The following ZNF394 variants were observed in gnomAD, a reference collection of about 807,000 sequenced individuals.
ZNF394 encodes zinc finger protein 394, also known as zinc finger protein 99.
A neutral mutation model predicts 21.8 loss-of-function variants in ZNF394; 19 were observed. The observed-to-expected ratio is 0.87, with a 90% CI of 0.61 to 1.28. The LOEUF is 1.28. Ranked by LOEUF, ZNF394 falls within the 50% of genes most tolerant of loss-of-function variation. ZNF394 has a pLI of 0.00. For missense variants in ZNF394, 683 were observed against 708.6 expected (o/e 0.96, Z 0.41); for synonymous variants, 294 against 273.3 (o/e 1.08, Z -0.75).
At chr7:99,496,982 C>G (rs1373708524) in intron 2 of ZNF394, among the ~76,000 whole-genome samples, 1 of 150,918 alleles carries the variant, frequency 6.6e-6, no homozygotes, top group Admixed American at 6.6e-5. Flanking sequence ...CAGTTGTTCC[C>G]TCTTCTCTGT....
chr7:99,495,958 G>A (rs2151082592), intron 2 of ZNF394, among the ~76,000 whole-genome samples: 1 of 151,752 alleles, frequency 6.6e-6, no homozygotes, highest in Non-Finnish European at 1.5e-5. Flanking sequence ...GTCTCACTCT[G>A]TCACCCAGGT....
In ZNF394 at chr7:99,499,843, C is replaced by G; in HGVS notation, c.251G>C (p.Arg84Pro). ...CCACCGACGACAGAGTTCTCGGAGC[C>G]GGCTCAGCGCCTCTTCCGGTCCAGC... ...EVAGPEEALS[R>P]LRELCRRWLR... Residue 84 changes from arginine (R) to proline (P), a missense_variant, in exon 1 of 3, where the codon CGG becomes CCG. This residue lies in a region of ZNF394 where 402 missense variants were observed against 373.8 expected (regional missense o/e 1.08). Transcript: ENST00000337673. 6.2e-7 allele frequency: 1 copy of G among 1,614,172 alleles called. No individual in the cohort carries two copies. The highest frequency in any genetic ancestry group is 8.5e-7 in the Non-Finnish European group (1 of 1,180,036).
At chr7:99,497,560 TATTA>T (rs1378390009) in intron 2 of ZNF394, among the ~76,000 whole-genome samples, 1 of 152,056 alleles carries the variant, frequency 6.6e-6, no homozygotes, top group Non-Finnish European at 1.5e-5. Flanking sequence ...TAACAGTAAC[TATTA>T]ATTATAACAA....
In ZNF394 at chr7:99,498,933, A is replaced by G. The variant is rs751727553; in HGVS notation, c.457-91T>C. 21 of 1,455,156 alleles carry G rather than the reference A, an allele frequency of 1.4e-5. No homozygotes were observed. In the Admixed American group the frequency reaches 1.9e-4, roughly 13 times the overall value. 90.1% of individuals were successfully genotyped at this position (1,455,156 alleles called of 1,614,324 possible). A position where few individuals can be genotyped will look rare whatever the true frequency, so the allele number is the denominator to read the frequency against. On this transcript the variant is annotated intron_variant, in intron 1 of 2. Transcript: ENST00000337673. ...GTCTTGTACCGACAAGGGAGTTTGG[A>G]GAGATCAGAGATAGAGGCTGACATT...
chr7:99,498,626 C>G (rs1180938236), intron 2 of ZNF394, 90 bp downstream of exon 2: 2 of 1,571,896 alleles, frequency 1.3e-6, no homozygotes, highest in East Asian at 2.3e-5. Flanking sequence ...CAGCCCAAGT[C>G]TGGGAATGGC....
At chr7:99,497,481 A>G (rs1192972250) in intron 2 of ZNF394, among the ~76,000 whole-genome samples, 3 of 149,824 alleles carry the variant, frequency 2.0e-5, no homozygotes, top group African/African-American at 7.5e-5. Context: ...TGCCTGGCCT[A>G]TAATGTTTTT....
At chr7:99,497,331 C>G (rs1032745082) in intron 2 of ZNF394, among the ~76,000 whole-genome samples, 3 of 150,182 alleles carry the variant, frequency 2.0e-5, no homozygotes, top group African/African-American at 7.4e-5. Context: ...CCTGCCACCA[C>G]GCCTGGCTAA....
intron 1 of ZNF394, among the ~76,000 whole-genome samples, chr7:99,499,418 G>C (rs1490312089): frequency 6.7e-6 from 1 of 149,980 alleles, no homozygotes; most frequent in African/African-American, 2.5e-5. Flanking sequence ...AAAAAGAAAA[G>C]AAAAAGAAAG....
At chr7:99,498,112 ATGG>A (rs1177098548) in intron 2 of ZNF394, 3 of 152,360 alleles carry the variant, frequency 2.0e-5, no homozygotes, top group African/African-American at 7.2e-5. Context: ...CAATGCTGTA[ATGG>A]TTAAAAACTT....
At chr7:99,493,141 G>T, downstream of ZNF394, 1 of 932,378 alleles carries the variant, frequency 1.1e-6, no homozygotes, top group Non-Finnish European at 1.3e-6. Flanking sequence ...AACCTATCTT[G>T]TAGGAGATAC....
exon 2 of ZNF394, chr7:99,486,631 C>T: frequency 1.2e-6 from 2 of 1,614,182 alleles, no homozygotes; most frequent in Non-Finnish European, 8.5e-7. Context: ...CAGTTGCAGG[C>T]TTACTTTCCC....
At chr7:99,494,692 G>A (rs1800250738) in intron 2 of ZNF394, 61 bp from the exon 3 acceptor site, 1 of 1,508,584 alleles carries the variant, frequency 6.6e-7, no homozygotes, top group South Asian at 1.4e-5. Flanking sequence ...AAATAAGCAA[G>A]TGCTGGCAGA....
At chr7:99,492,775 G>A (rs1275910546), downstream of ZNF394, among the ~76,000 whole-genome samples, 2 of 148,440 alleles carry the variant, frequency 1.3e-5, no homozygotes, top group African/African-American at 2.5e-5. Flanking sequence ...GGGCAACATA[G>A]CAAGACCCTA....
chr7:99,487,020 G>C, intron 1 of ZNF394: 2 of 1,613,942 alleles, frequency 1.2e-6, no homozygotes, highest in South Asian at 1.1e-5. Flanking sequence ...GGCAGCTCGC[G>C]TATCTTGTTG....
At chr7:99,497,106 G>A (rs1209591846) in intron 2 of ZNF394, among the ~76,000 whole-genome samples, 29 of 117,200 alleles carry the variant, frequency 2.5e-4, no homozygotes, top group African/African-American at 1.4e-3. Flanking sequence ...GTGTGTGTGT[G>A]TGTGTGTGTG....
At chr7:99,495,948 G>C (rs764486030) in intron 2 of ZNF394, among the ~76,000 whole-genome samples, 1 of 150,372 alleles carries the variant, frequency 6.7e-6, no homozygotes, top group Non-Finnish European at 1.5e-5. Flanking sequence ...TTGAGACAGA[G>C]TCTCACTCTG....
chr7:99,493,581 C>T lies in ZNF394; in HGVS notation c.1634G>A (p.Arg545Lys). ...RQSTHLIRHQ[R>K]IHQNKVLSAG... is the part of the protein sequence containing the mutation. Reference sequence around the variant, plus strand: ...CGACAGCACTTTATTTTGATGAATTCTTTGGTGTCGGATAAGGTGTGTACT... The same window carrying T: ...CGACAGCACTTTATTTTGATGAATTTTTTGGTGTCGGATAAGGTGTGTACT... Residue 545 changes from arginine (R) to lysine (K), a missense_variant, in exon 3 of 3, where the codon AGA becomes AAA. Coordinates refer to ENST00000337673, the MANE Select transcript of ZNF394 (RefSeq NM_032164.4). 1 of 1,613,760 alleles carries T rather than the reference C, an allele frequency of 6.2e-7. No homozygotes were observed.
At chr7:99,499,380 C>G (rs973967322) in intron 1 of ZNF394, among the ~76,000 whole-genome samples, 38 of 143,184 alleles carry the variant, frequency 2.7e-4, no homozygotes, top group African/African-American at 9.2e-4. Flanking sequence ...CCATCTCAAA[C>G]AACAGCAAGA....
At position 99,495,650 on chromosome 7, in the gene ZNF394, C is replaced by T. The variant is rs576384169; in HGVS notation, c.584-1019G>A. Among the ~76,000 whole-genome samples, 132 of 145,824 alleles carry T rather than the reference C, an allele frequency of 9.1e-4. 1 individual carries two copies. Among genetic ancestry groups the T allele is most frequent in the Admixed American group, 2.1e-3 (31 of 14,540 alleles). ...ATTTTATTTTTTTGAGATGGAGTTT[C>T]GCTCTTGTTGCCAAGGCTGGAGTGC... On this transcript the variant is annotated intron_variant, in intron 2 of 2. Coordinates refer to ENST00000337673, the MANE Select transcript of ZNF394 (RefSeq NM_032164.4).
Sources: gnomAD v4.1 joint callset for allele counts (sites outside exome capture counted in the v4.1 genomes callset) on GRCh38, gnomAD v4.1.1 for gene constraint, gnomAD v4.1.1 regional missense constraint, MANE v1.5 for transcripts, NCBI Gene and HGNC (gene_info 2026-07-23, HGNC 2026-07-21) for gene names.